GFOD2: variants seen among roughly 807,000 people sequenced by gnomAD.
GFOD2 encodes Gfo/Idh/MocA-like oxidoreductase domain containing 2.
GFOD2 carries 9 observed loss-of-function variants against 24.6 expected under a neutral mutation model. The ratio of observed to expected loss-of-function variants is 0.37; its 90% confidence interval spans 0.22 to 0.64. The LOEUF (loss-of-function observed/expected upper bound fraction) is 0.64. GFOD2 is among the 30% of genes least tolerant of loss of function. GFOD2 has a pLI of 0.65. For synonymous variants in GFOD2, 211 were observed against 224.8 expected (o/e 0.94, Z 0.55); for missense variants, 476 against 532.5 (o/e 0.89, Z 1.04).
In GFOD2 at chr16:67,675,007, G is replaced by A; in HGVS notation, c.*148C>T. 3 of 851,974 alleles carry A rather than the reference G, an allele frequency of 3.5e-6. No homozygotes were observed. Among genetic ancestry groups the A allele is most frequent in the Non-Finnish European group, 5.5e-6 (3 of 547,734 alleles). 52.8% of individuals were successfully genotyped at this position (851,974 alleles called of 1,614,324 possible). ...TCTGAGGAGCAGATGAGCCACTGGA[G>A]GGGGCGAAGTCCCAGAGCCACCTCT... On this transcript the variant is annotated 3_prime_UTR_variant, in exon 3 of 3. Transcript: ENST00000268797.
chr16:67,711,854 C>T (rs905449870), intron 1 of GFOD2, among the ~76,000 whole-genome samples: 1 of 152,208 alleles, frequency 6.6e-6, no homozygotes, highest in East Asian at 1.9e-4. Context: ...ATATACCCTG[C>T]ATCCAAGAAC....
intron 1 of GFOD2, among the ~76,000 whole-genome samples, chr16:67,715,450 C>A (rs1327764676): frequency 2.6e-5 from 4 of 152,134 alleles, no homozygotes. Flanking sequence ...TGAGCTCATT[C>A]CCAACCCAAT....
At chr16:67,686,431 C>CA (rs1427021605) in intron 1 of GFOD2, among the ~76,000 whole-genome samples, 7 of 152,158 alleles carry the variant, frequency 4.6e-5, no homozygotes, top group African/African-American at 1.7e-4. Flanking sequence ...TAACCCTGGT[C>CA]AAAAGATTCA....
At chr16:67,688,757 C>T (rs1424429371) in intron 1 of GFOD2, among the ~76,000 whole-genome samples, 4 of 131,922 alleles carry the variant, frequency 3.0e-5, no homozygotes, top group South Asian at 2.3e-4. Flanking sequence ...TTTTTTGAGA[C>T]GGAGTCTCGC....
At chr16:67,715,152 G>A (rs1020334596) in intron 1 of GFOD2, among the ~76,000 whole-genome samples, 4 of 151,836 alleles carry the variant, frequency 2.6e-5, no homozygotes, top group Non-Finnish European at 1.5e-5. Flanking sequence ...TCTGCCTCCC[G>A]AGTTCAAGCA....
At chr16:67,697,804 T>C (rs991503885) in intron 1 of GFOD2, among the ~76,000 whole-genome samples, 2 of 152,208 alleles carry the variant, frequency 1.3e-5, no homozygotes, top group African/African-American at 4.8e-5. Flanking sequence ...ATCTGGTCAA[T>C]GTCTCACCTT....
chr16:67,713,773 C>T (rs988066194), intron 1 of GFOD2, among the ~76,000 whole-genome samples: 1 of 152,050 alleles, frequency 6.6e-6, no homozygotes, highest in Non-Finnish European at 1.5e-5. Flanking sequence ...TGGCCATTGA[C>T]GATCAACTTA....
At chr16:67,696,982 CTCTTTG>C (rs1468975834) in intron 1 of GFOD2, among the ~76,000 whole-genome samples, 1 of 152,240 alleles carries the variant, frequency 6.6e-6, no homozygotes, top group African/African-American at 2.4e-5. Context: ...AATTTCCCCA[CTCTTTG>C]TCTTTAACAT....
At chr16:67,681,019 C>A (rs750246712) in intron 2 of GFOD2, 7 of 985,354 alleles carry the variant, frequency 7.1e-6, no homozygotes, top group Admixed American at 6.1e-5. Context: ...TAGCCCCTGA[C>A]TGCTAGCACT....
intron 1 of GFOD2, among the ~76,000 whole-genome samples, chr16:67,699,377 T>TA (rs368424126): frequency 4.1e-4 from 61 of 148,898 alleles, no homozygotes; most frequent in African/African-American, 1.2e-3. Flanking sequence ...AAATAAAAAT[T>TA]AAAAAAAAAA....
intron 1 of GFOD2, among the ~76,000 whole-genome samples, chr16:67,698,958 A>AAAAAT (rs1017879367): frequency 2.6e-5 from 4 of 152,178 alleles, no homozygotes; most frequent in Non-Finnish European, 5.9e-5. Flanking sequence ...GGAGAGCCAA[A>AAAAAT]AAAATAAAAT....
chr16:67,710,890 A>C (rs1239549723), intron 1 of GFOD2, among the ~76,000 whole-genome samples: 1 of 152,140 alleles, frequency 6.6e-6, no homozygotes, highest in South Asian at 2.1e-4. Context: ...CTCATTGCAG[A>C]GGTACCTATA....
intron 1 of GFOD2, among the ~76,000 whole-genome samples, chr16:67,711,248 T>TA (rs2053471091): frequency 6.6e-6 from 1 of 152,200 alleles, no homozygotes. Context: ...CTTTGTCAAA[T>TA]ACAATTAAAT....
At chr16:67,718,854 G>T (rs753705457) in intron 1 of GFOD2, among the ~76,000 whole-genome samples, 1 of 152,164 alleles carries the variant, frequency 6.6e-6, no homozygotes, top group African/African-American at 2.4e-5. Flanking sequence ...GGCACAGGGC[G>T]GGGGAGACTA....
intron 1 of GFOD2, among the ~76,000 whole-genome samples, chr16:67,692,796 G>A (rs572457449): frequency 1.2e-3 from 189 of 151,596 alleles, no homozygotes; most frequent in South Asian, 4.6e-3. Context: ...GGAGGCTGAG[G>A]AGGGCGAATC....
intron 1 of GFOD2, among the ~76,000 whole-genome samples, chr16:67,689,605 A>G (rs1336584971): frequency 6.6e-6 from 1 of 151,962 alleles, no homozygotes; most frequent in Admixed American, 6.6e-5. Context: ...CGGGAGGCGG[A>G]GGTTGCAGTG....
At chr16:67,684,226 A>T (rs2053248654) in intron 2 of GFOD2, 1 of 151,648 alleles carries the variant, frequency 6.6e-6, no homozygotes, top group African/African-American at 2.4e-5. Context: ...GACAAAAATT[A>T]GCTGGGCGTG....
chr16:67,683,019 T>A, intron 2 of GFOD2: 1 of 282,786 alleles, frequency 3.5e-6, no homozygotes, highest in Non-Finnish European at 5.3e-6. Flanking sequence ...CAAGCTGGAG[T>A]GCATGATCAC....
intron 1 of GFOD2, among the ~76,000 whole-genome samples, chr16:67,712,923 C>T (rs986065706): frequency 1.7e-5 from 2 of 121,114 alleles, no homozygotes; most frequent in Non-Finnish European, 1.6e-5. Context: ...GTGGGGAGCA[C>T]CTCTGCCCCG....
Sources: allele counts gnomAD v4.1 joint callset (sites outside exome capture counted in the v4.1 genomes callset), GRCh38; gene constraint gnomAD v4.1.1; transcripts MANE v1.5; gene names NCBI Gene and HGNC (gene_info 2026-07-23, HGNC 2026-07-21).